SYT12: variants seen among roughly 807,000 people sequenced by gnomAD.
SYT12 encodes the protein synaptotagmin-12.
A neutral mutation model predicts 39.5 loss-of-function variants in SYT12; 27 were observed. The ratio of observed to expected loss-of-function variants is 0.68; its 90% confidence interval spans 0.50 to 0.94. SYT12 has a LOEUF of 0.94. Ranked by LOEUF, SYT12 falls within the 40% of genes least tolerant of loss-of-function variation. SYT12 has a pLI of 0.00. For missense variants in SYT12, 536 were observed against 572.6 expected (o/e 0.94, Z 0.65); for synonymous variants, 233 against 239.7 (o/e 0.97, Z 0.26).
At chr11:67,040,567 T>C (rs541849382) in intron 4 of SYT12, among the ~76,000 whole-genome samples, 1 of 152,242 alleles carries the variant, frequency 6.6e-6, no homozygotes, top group African/African-American at 2.4e-5. Context: ...GGGCTGGTTG[T>C]GGTGGCTCAT....
chr11:67,009,058 T>A (rs1267880021), intron 1 of SYT12, among the ~76,000 whole-genome samples: 1 of 152,166 alleles, frequency 6.6e-6, no homozygotes, highest in Non-Finnish European at 1.5e-5. Flanking sequence ...TCGCCCAGGC[T>A]AGAGTACAGT....
chr11:67,023,164 A>G lies in SYT12; in HGVS notation c.-320A>G, dbSNP rs1427878015. ...CGGCTCGGACCCCAGGAGCAGAGAC[A>G]GCGCTCGAGCTTGTCACTTTAAATT... On this transcript the variant is annotated 5_prime_UTR_variant, in exon 1 of 8. Coordinates refer to ENST00000527043, the MANE Select transcript of SYT12 (RefSeq NM_177963.4). Among the ~76,000 whole-genome samples the G allele has an allele frequency of 6.6e-6, 1 of 152,176 alleles. No individual in the cohort carries two copies. The highest frequency in any genetic ancestry group is 1.5e-5 in the Non-Finnish European group (1 of 68,008).
rs538225850 is a variant in SYT12, at chr11:67,039,911, T to A, written c.329T>A (p.Leu110Gln). 47 of 1,613,658 alleles carry A rather than the reference T, an allele frequency of 2.9e-5. 1 individual carries two copies. In the South Asian group the frequency reaches 4.8e-4, roughly 17 times the overall value. ...GACACCTTTGAGAGCATCAGTGAAC[T>A]GGGGCCTCTGGAGCTGATGGGCCGG... is the stretch of plus-strand genomic sequence containing the variant. ...IEDTFESISE[L>Q]GPLELMGREL... The change falls in exon 4 of 8, where the codon CTG (leucine) becomes CAG (glutamine). Residue 110 changes from leucine (L) to glutamine (Q), a missense_variant. Transcript: ENST00000527043.
chr11:67,030,087 G>A, intron 1 of SYT12, 35 bp from the exon 2 acceptor site: 1 of 1,606,322 alleles, frequency 6.2e-7, no homozygotes. Flanking sequence ...CTGACTCTCT[G>A]CAGCCCTCTC....
chr11:67,008,694 G>T (rs917448941), intron 1 of SYT12, among the ~76,000 whole-genome samples: 1 of 152,274 alleles, frequency 6.6e-6, no homozygotes, highest in Admixed American at 6.5e-5. Flanking sequence ...GGAATTACAG[G>T]CATGCGGCAT....
At chr11:67,044,489 C>T (rs1950572470) in intron 5 of SYT12, 104 bp from the exon 6 acceptor site, 2 of 1,498,426 alleles carry the variant, frequency 1.3e-6, no homozygotes, top group Non-Finnish European at 1.8e-6. Flanking sequence ...AGCCACTTCT[C>T]TATGGAGAAG....
At chr11:67,046,761 G>A (rs1428430938) in intron 7 of SYT12, among the ~76,000 whole-genome samples, 1 of 152,220 alleles carries the variant, frequency 6.6e-6, no homozygotes, top group Non-Finnish European at 1.5e-5. Context: ...GGACCATGGG[G>A]GAAGTGGAGG....
rs1057133921 is a variant in SYT12, at chr11:67,043,799, T to C, written c.783T>C (p.Leu261=). The C allele has an allele frequency of 6.2e-7, 1 of 1,614,104 alleles. No individual in the cohort carries two copies. The change falls in exon 5 of 8, where the codon CTT becomes CTC. Residue 261 remains leucine (L), a synonymous_variant. Transcript: ENST00000527043. Reference sequence around the variant, plus strand: ...TGGTGGAGCTGAAGCTTTCTGTGCTTGACCTCCCGCTGCAGCCCTTCAGTG... The same window carrying C: ...TGGTGGAGCTGAAGCTTTCTGTGCTCGACCTCCCGCTGCAGCCCTTCAGTG... ...TGVVELKLSV[L]DLPLQPFSGW...
chr11:67,035,835 TTC>T lies in SYT12; in HGVS notation c.228+998_228+999del. Among the ~76,000 whole-genome samples the T allele has an allele frequency of 5.7e-5, 6 of 104,926 alleles. No homozygotes were observed. The East Asian group carries it at 8.4e-4, about 15-fold the overall frequency. 68.8% of individuals were successfully genotyped at this position (104,926 alleles called of 152,430 possible). ...CTTCCTTCCTTCCTTCCTTCCTTCC[TTC>T]CTTTCTTTCTTTCTTTCTTTCTTTC... is the stretch of plus-strand genomic sequence containing the variant. On this transcript the variant is annotated intron_variant, in intron 3 of 7. Coordinates refer to ENST00000527043, the MANE Select transcript of SYT12 (RefSeq NM_177963.4).
Position 67,044,650 on chromosome 11 carries a change from C to T in SYT12, c.895C>T (p.Arg299Cys), listed in dbSNP as rs1950578637. 7.4e-6 allele frequency: 12 copies of T among 1,613,594 alleles called. No homozygotes were observed. The highest frequency in any genetic ancestry group is 1.1e-5 in the South Asian group (1 of 91,072). The stretch of plus-strand genomic sequence containing the variant: ...CCTCAGCTACCTCCCCACAGCCGAG[C>T]GCCTCACCGTGGTCGTGGTTAAGGC... Reference protein sequence around the residue: ...LSLSYLPTAERLTVVVVKAKN... With the variant: ...LSLSYLPTAECLTVVVVKAKN... Residue 299 changes from arginine to cysteine, a missense_variant, in exon 6 of 8, where the codon CGC becomes TGC. Physicochemically the swap from Arg to Cys is radical, Grantham distance 180. Transcript: ENST00000527043.
intron 1 of SYT12, among the ~76,000 whole-genome samples, chr11:67,024,903 G>A (rs1403845538): frequency 6.6e-6 from 1 of 152,208 alleles, no homozygotes; most frequent in African/African-American, 2.4e-5. Flanking sequence ...GCAGAAGGCA[G>A]GGACAGAGGG....
Position 67,043,631 on chromosome 11 carries a change from C to T in SYT12, c.622-7C>T, listed in dbSNP as rs553567014. The T allele has an allele frequency of 1.2e-6, 2 of 1,614,042 alleles. No homozygotes were observed. Among genetic ancestry groups the T allele is most frequent in the Non-Finnish European group, 1.7e-6 (2 of 1,180,016 alleles). ...CCTAGCGCCCTCCATGGCCTTTTCT[C>T]CTGCAGATCCAGAGAAATGCCTACT... is the stretch of plus-strand genomic sequence containing the variant. On this transcript the variant is annotated splice_region_variant and splice_polypyrimidine_tract_variant and intron_variant, in intron 4 of 7. Coordinates refer to ENST00000527043, the MANE Select transcript of SYT12 (RefSeq NM_177963.4).
upstream of SYT12, chr11:67,021,830 C>G (rs556977860): frequency 6.6e-6 from 1 of 152,232 alleles, no homozygotes; most frequent in Non-Finnish European, 1.5e-5. Flanking sequence ...CCAGGCCCCC[C>G]GCCCCATGAT....
At chr11:67,024,284 G>A (rs1403229538) in intron 1 of SYT12, among the ~76,000 whole-genome samples, 1 of 152,236 alleles carries the variant, frequency 6.6e-6, no homozygotes, top group Non-Finnish European at 1.5e-5. Flanking sequence ...AGCAGCAATA[G>A]TGCTTCCTAT....
At chr11:67,022,196 C>G (rs1310299110), upstream of SYT12, among the ~76,000 whole-genome samples, 1 of 152,180 alleles carries the variant, frequency 6.6e-6, no homozygotes, top group Non-Finnish European at 1.5e-5. Context: ...CTGCACCAAG[C>G]CAGCACAGAC....
chr11:67,034,759 G>T lies in SYT12; in HGVS notation c.149G>T (p.Ser50Ile). Residue 50 changes from serine to isoleucine, a missense_variant, in exon 3 of 8, where the codon AGC becomes ATC. Coordinates refer to ENST00000527043, the MANE Select transcript of SYT12 (RefSeq NM_177963.4). ...CTCTGGACGTCGGGGAGCTTCCCCA[G>T]CCCCTCTCCGTTCCCCAATTACGAC... ...WKLWTSGSFP[S>I]PSPFPNYDYR... 6.2e-7 allele frequency: 1 copy of T among 1,603,048 alleles called. No individual in the cohort carries two copies. The highest frequency in any genetic ancestry group is 1.3e-5 in the African/African-American group (1 of 74,292).
At chr11:67,037,225 G>T (rs775522936) in intron 3 of SYT12, among the ~76,000 whole-genome samples, 2 of 151,954 alleles carry the variant, frequency 1.3e-5, no homozygotes, top group Non-Finnish European at 2.9e-5. Flanking sequence ...GCAACAGAGT[G>T]AGACTCCATC....
chr11:67,046,400 G>A (rs1207155706), intron 7 of SYT12, among the ~76,000 whole-genome samples: 5 of 152,174 alleles, frequency 3.3e-5, no homozygotes, highest in Admixed American at 2.0e-4. Context: ...TGCATGCCTC[G>A]GAGGATGGGG....
chr11:67,045,864 C>A lies in SYT12; in HGVS notation c.1079C>A (p.Ala360Asp). 1.2e-6 allele frequency: 2 copies of A among 1,613,540 alleles called. No homozygotes were observed. The highest frequency in any genetic ancestry group is 1.7e-6 in the Non-Finnish European group (2 of 1,179,762). Residue 360 changes from alanine (A) to aspartate (D), a missense_variant, in exon 7 of 8, where the codon GCC (alanine) becomes GAC (aspartate). Physicochemically the swap from Ala to Asp is moderately radical, Grantham distance 126. Coordinates refer to ENST00000527043, the MANE Select transcript of SYT12 (RefSeq NM_177963.4). ...FNEAMIFSVP[A>D]IVLQDLSLRV... The stretch of plus-strand genomic sequence containing the variant: ...GAAGCCATGATCTTCTCGGTGCCAG[C>A]CATTGTGCTCCAGGTGAGGGGGGCT...
Sources: gnomAD v4.1 joint callset for allele counts (sites outside exome capture counted in the v4.1 genomes callset) on GRCh38, gnomAD v4.1.1 for gene constraint, MANE v1.5 for transcripts, NCBI Gene and HGNC (gene_info 2026-07-23, HGNC 2026-07-21) for gene names.